The following PON2 variants were observed in gnomAD, a reference collection of about 807,000 sequenced individuals.
PON2 encodes paraoxonase 2, also known as serum paraoxonase/arylesterase 2.
PON2 carries 27 observed loss-of-function variants against 36.6 expected under a neutral mutation model. The observed-to-expected ratio is 0.74, with a 90% confidence interval of 0.54 to 1.02. PON2 has a LOEUF of 1.02. Ranked by LOEUF, PON2 falls within the 50% of genes least tolerant of loss-of-function variation. PON2 has a pLI of 0.00. For synonymous variants in PON2, 149 were observed against 156.3 expected (o/e 0.95, Z 0.35); for missense variants, 363 against 421.1 (o/e 0.86, Z 1.21).
At chr7:95,434,096 C>G (rs567579511) in intron 1 of PON2, among the ~76,000 whole-genome samples, 1 of 152,344 alleles carries the variant, frequency 6.6e-6, no homozygotes, top group South Asian at 2.1e-4. Flanking sequence ...CAGCTCACAC[C>G]TGTAATCCCA....
At chr7:95,406,912 G>A in intron 7 of PON2, 75 bp downstream of exon 7, 1 of 890,088 alleles carries the variant, frequency 1.1e-6, no homozygotes, top group Non-Finnish European at 1.8e-6. Context: ...TTCTACGTGT[G>A]GTACTCTTAT....
At position 95,424,981 on chromosome 7, in the gene PON2, A is replaced by C. The variant is rs184322943; in HGVS notation, c.75-396T>G. On this transcript the variant is annotated intron_variant, in intron 1 of 8. Transcript: ENST00000222572. ...TCCTTCTGAAGAGTCAAACGTGAAAAATGACTGTAAGCCTCACACAGAGAC... is the reference window on the plus strand; with the variant it reads ...TCCTTCTGAAGAGTCAAACGTGAAACATGACTGTAAGCCTCACACAGAGAC... 9.6e-4 allele frequency among the ~76,000 whole-genome samples: 146 copies of C among 152,320 alleles called. 1 individual carries two copies. Among genetic ancestry groups the C allele is most frequent in the Non-Finnish European group, 4.6e-4 (31 of 68,024 alleles).
At position 95,405,195 on chromosome 7, in the gene PON2, G is replaced by A. The variant is rs76384877; in HGVS notation, c.*135C>T. 2,189 of 954,736 alleles carry A rather than the reference G, an allele frequency of 2.3e-3. 28 individuals carry two copies. The African/African-American group carries it at 0.031, about 14-fold the overall frequency. 59.1% of individuals were successfully genotyped at this position (954,736 alleles called of 1,614,324 possible). On this transcript the variant is annotated 3_prime_UTR_variant, in exon 9 of 9. Transcript: ENST00000222572. ...AAGTGCTCTAAGAACTAAAAGGGCC[G>A]TTCCTTACTGGAATAAAATTAACTA... is the stretch of plus-strand genomic sequence containing the variant.
Position 95,405,361 on chromosome 7 carries a change from A to C in PON2, c.1034T>G (p.Leu345Ter). Residue 345 changes from leucine (L) to a stop codon, truncating the protein, a stop_gained, in exon 9 of 9, where the codon TTA becomes TGA. Transcript: ENST00000222572. LOFTEE classifies it high-confidence loss of function. Reference protein sequence around the residue: ...VYDGKLLIGTLYHRALYCEL With the variant: ...VYDGKLLIGT ...TTCACAATACAAGGCTCTGTGGTAT[A>C]AAGTGCCTATGAGCAGCTTCCCATC... The C allele has an allele frequency of 5.6e-6, 9 of 1,613,970 alleles. No homozygotes were observed. Among genetic ancestry groups the C allele is most frequent in the Non-Finnish European group, 7.6e-6 (9 of 1,179,880 alleles).
rs1046553958 is a variant in PON2 at position 95,434,959 on chromosome 7, G to C, written c.-8C>G. On this transcript the variant is annotated 5_prime_UTR_variant, in exon 1 of 9. Coordinates refer to ENST00000222572, the MANE Select transcript of PON2 (RefSeq NM_000305.3). ...AGCCACCAGCCGCCCCATGGCGCGGGAGCCGGGCGCGCTGCCTCGCTCCGG... is the reference window on the plus strand; with the variant it reads ...AGCCACCAGCCGCCCCATGGCGCGGCAGCCGGGCGCGCTGCCTCGCTCCGG... 6.6e-7 allele frequency: 1 copy of C among 1,524,078 alleles called. No individual in the cohort carries two copies. The highest frequency in any genetic ancestry group is 8.8e-7 in the Non-Finnish European group (1 of 1,140,656). The allele number at this position is 1,524,078 out of a possible 1,614,324, so 94.4% of individuals were successfully genotyped here. A position where few individuals can be genotyped will look rare whatever the true frequency, so the allele number is the denominator to read the frequency against.
intron 1 of PON2, chr7:95,434,298 T>C (rs1284429862): frequency 6.6e-6 from 1 of 152,490 alleles, no homozygotes; most frequent in African/African-American, 2.4e-5. Context: ...GATGGAATAG[T>C]GTCTGCGCTG....
At chr7:95,414,538 T>G (rs1639) in intron 3 of PON2, among the ~76,000 whole-genome samples, 29,039 of 152,118 alleles carry the variant, frequency 0.19, 3,865 homozygotes, top group East Asian at 0.63. Flanking sequence ...CTACTTCAGA[T>G]TTATTACTAT....
chr7:95,426,822 A>G (rs1333611301), intron 1 of PON2, among the ~76,000 whole-genome samples: 1 of 152,264 alleles, frequency 6.6e-6, no homozygotes, highest in African/African-American at 2.4e-5. Context: ...TGTCAATTTT[A>G]CACAACTTAC....
rs1809644193 is a variant in PON2 at position 95,405,165 on chromosome 7, G to T, written c.*165C>A. 3 of 694,990 alleles carry T rather than the reference G, an allele frequency of 4.3e-6. No homozygotes were observed. Among genetic ancestry groups the T allele is most frequent in the African/African-American group, 1.8e-5 (1 of 55,418 alleles). The allele number at this position is 694,990 out of a possible 1,614,324, so 43.1% of individuals were successfully genotyped here. ...AAGAACCTGTTCATTTTCCTTTTTT[G>T]TTAAAAGTGCTCTAAGAACTAAAAG... On this transcript the variant is annotated 3_prime_UTR_variant, in exon 9 of 9. Coordinates refer to ENST00000222572, the MANE Select transcript of PON2 (RefSeq NM_000305.3).
chr7:95,430,813 AT>A (rs1158743345), intron 1 of PON2, among the ~76,000 whole-genome samples: 18 of 152,182 alleles, frequency 1.2e-4, no homozygotes, highest in African/African-American at 4.3e-4. Flanking sequence ...GATTAAAAAA[AT>A]AAATAAAGAA....
chr7:95,412,671 A>G (rs987886396), intron 3 of PON2, 194 bp from the exon 4 acceptor site: 22 of 611,894 alleles, frequency 3.6e-5, no homozygotes, highest in Admixed American at 8.6e-5. Context: ...CCTGAAAATA[A>G]CTGAAAAGAA....
intron 1 of PON2, among the ~76,000 whole-genome samples, chr7:95,432,722 C>G (rs1789471553): frequency 6.6e-6 from 1 of 152,210 alleles, no homozygotes; most frequent in Non-Finnish European, 1.5e-5. Context: ...CTGTAGAGCA[C>G]AATGGGCATT....
At chr7:95,427,360 T>A (rs1789339768) in intron 1 of PON2, among the ~76,000 whole-genome samples, 1 of 152,132 alleles carries the variant, frequency 6.6e-6, no homozygotes, top group Non-Finnish European at 1.5e-5. Flanking sequence ...TCCCTTGTCG[T>A]TTCTATTGTA....
At chr7:95,433,347 GCT>G (rs1046784248) in intron 1 of PON2, among the ~76,000 whole-genome samples, 6 of 152,104 alleles carry the variant, frequency 3.9e-5, no homozygotes, top group African/African-American at 1.4e-4. Context: ...CAATCTTCTG[GCT>G]TAGGCCTCCA....
At chr7:95,413,317 T>A (rs1788984168) in intron 3 of PON2, among the ~76,000 whole-genome samples, 1 of 152,112 alleles carries the variant, frequency 6.6e-6, no homozygotes, top group Admixed American at 6.6e-5. Flanking sequence ...GACAGTTTTG[T>A]CTTTTTCTTT....
chr7:95,423,321 CA>C (rs35269697), intron 2 of PON2, among the ~76,000 whole-genome samples: 5,538 of 71,130 alleles, frequency 0.078, 201 homozygotes, highest in African/African-American at 0.21. Flanking sequence ...GGCCACCTCT[CA>C]AAAAAAAAAA....
chr7:95,425,427 T>C (rs1023481692), intron 1 of PON2, among the ~76,000 whole-genome samples: 5 of 152,216 alleles, frequency 3.3e-5, no homozygotes, highest in African/African-American at 1.2e-4. Flanking sequence ...ACAATATCTG[T>C]GGGATCTTTT....
intron 2 of PON2, among the ~76,000 whole-genome samples, chr7:95,421,648 T>A (rs1211555492): frequency 6.6e-6 from 1 of 151,850 alleles, no homozygotes; most frequent in South Asian, 2.1e-4. Context: ...GTTTGGGCAA[T>A]TGAAAGAAGG....
chr7:95,415,683 T>A (rs751783427), intron 3 of PON2, among the ~76,000 whole-genome samples: 2 of 152,184 alleles, frequency 1.3e-5, no homozygotes, highest in Non-Finnish European at 2.9e-5. Context: ...CTGGGCGTGG[T>A]GGCTCACTCC....
Sources: gnomAD v4.1 joint callset for allele counts (sites outside exome capture counted in the v4.1 genomes callset) on GRCh38, gnomAD v4.1.1 for gene constraint, MANE v1.5 for transcripts, NCBI Gene and HGNC (gene_info 2026-07-23, HGNC 2026-07-21) for gene names.